The following ATP10A variants were observed in gnomAD, a reference collection of about 807,000 sequenced individuals.
ATP10A encodes ATPase phospholipid transporting 10A (putative).
In ATP10A, 111 loss-of-function variants were observed where a neutral mutation model predicts 147.8. The observed-to-expected ratio is 0.75, with a 90% CI of 0.64 to 0.88. The LOEUF (loss-of-function observed/expected upper bound fraction) is 0.88. ATP10A is among the 40% of genes least tolerant of loss of function. The pLI is 0.00. For synonymous variants in ATP10A, 875 were observed against 841.6 expected, an observed-to-expected ratio of 1.04 and a Z score of -0.69; for missense variants, 1,927 against 1,959.0, an observed-to-expected ratio of 0.98 and a Z score of 0.31.
At chr15:25,846,654 T>C (rs1361333784) in intron 1 of ATP10A, among the ~76,000 whole-genome samples, 1 of 152,210 alleles carries the variant, frequency 6.6e-6, no homozygotes, top group Non-Finnish European at 1.5e-5. Flanking sequence ...TAGCCTGACA[T>C]GTGCCGGACA....
At position 25,713,961 on chromosome 15, in the gene ATP10A, T is replaced by C; in HGVS notation, c.2057A>G (p.Glu686Gly). Residue 686 changes from glutamate to glycine, a missense_variant, in exon 10 of 21, where the codon GAG (glutamate) becomes GGG (glycine). By Grantham distance (98) the Glu-to-Gly change is moderately conservative (BLOSUM62 -2). Coordinates refer to ENST00000555815, the MANE Select transcript of ATP10A (RefSeq NM_024490.4). ...CTCGTACCGCAGCTCGCGCTCTGACTCCTGCTCCTGAGCAAGCTCCGAGGC... is the reference window on the plus strand; with the variant it reads ...CTCGTACCGCAGCTCGCGCTCTGACCCCTGCTCCTGAGCAAGCTCCGAGGC... ...NWASELAQEQ[E>G]SERELRYEAE... 1.2e-6 allele frequency: 2 copies of C among 1,610,286 alleles called. No homozygotes were observed. Among genetic ancestry groups the C allele is most frequent in the Non-Finnish European group, 1.7e-6 (2 of 1,179,970 alleles).
At chr15:25,700,929 TAA>T (rs36021930) in intron 13 of ATP10A, among the ~76,000 whole-genome samples, 22 of 143,952 alleles carry the variant, frequency 1.5e-4, no homozygotes, top group South Asian at 2.2e-4. Flanking sequence ...AGAGGTCACT[TAA>T]AAAAAAAAAA....
At chr15:25,806,759 A>G (rs1891208627) in intron 1 of ATP10A, among the ~76,000 whole-genome samples, 1 of 152,218 alleles carries the variant, frequency 6.6e-6, no homozygotes, top group Admixed American at 6.5e-5. Context: ...TCAGCAGTTA[A>G]GTTTCAGGGA....
At chr15:25,775,096 C>T (rs1472571640) in intron 2 of ATP10A, among the ~76,000 whole-genome samples, 3 of 152,156 alleles carry the variant, frequency 2.0e-5, no homozygotes, top group Non-Finnish European at 4.4e-5. Context: ...GATTATGCTG[C>T]CTCCTTCAAT....
chr15:25,768,726 A>G (rs1035990199), intron 2 of ATP10A, among the ~76,000 whole-genome samples: 70 of 117,322 alleles, frequency 6.0e-4, no homozygotes, highest in African/African-American at 2.2e-3. Context: ...ATAGGGTCTC[A>G]ATTTGTTGCT....
chr15:25,680,310 T>G lies in ATP10A; in HGVS notation c.3679-2A>C. The G allele has an allele frequency of 6.2e-7, 1 of 1,612,622 alleles. No individual in the cohort carries two copies. Among genetic ancestry groups the G allele is most frequent in the African/African-American group, 1.3e-5 (1 of 74,954 alleles). On this transcript the variant is annotated splice_acceptor_variant, in intron 19 of 20. Coordinates refer to ENST00000555815, the MANE Select transcript of ATP10A (RefSeq NM_024490.4). LOFTEE classifies it high-confidence loss of function. The stretch of plus-strand genomic sequence containing the variant: ...ACACGTTATCCAGTTGAGCCAGGTC[T>G]GAGGGGGAATGAGAAAGAAAGGGCT...
chr15:25,750,759 G>A (rs1159488576), intron 2 of ATP10A, among the ~76,000 whole-genome samples: 1 of 151,762 alleles, frequency 6.6e-6, no homozygotes, highest in African/African-American at 2.4e-5. Flanking sequence ...AAGTCTGGAA[G>A]GAGAGAAATG....
chr15:25,759,984 T>G (rs191881887), intron 2 of ATP10A, among the ~76,000 whole-genome samples: 16 of 152,108 alleles, frequency 1.1e-4, no homozygotes, highest in African/African-American at 3.4e-4. Context: ...TTTTTTTTCT[T>G]TGAGATGAAG....
chr15:25,711,917 G>T (rs1456893545), intron 10 of ATP10A, among the ~76,000 whole-genome samples: 1 of 152,148 alleles, frequency 6.6e-6, no homozygotes, highest in East Asian at 1.9e-4. Flanking sequence ...CCGGCATCAG[G>T]TGCCTTCCCA....
chr15:25,859,929 G>GTGTTGCAC (rs1039737830), intron 1 of ATP10A, among the ~76,000 whole-genome samples: 1 of 152,156 alleles, frequency 6.6e-6, no homozygotes, highest in Non-Finnish European at 1.5e-5. Flanking sequence ...CGTGAACAAT[G>GTGTTGCAC]TGTTGCACGC....
At chr15:25,862,192 C>T in intron 1 of ATP10A, 1 of 455,458 alleles carries the variant, frequency 2.2e-6, no homozygotes, top group South Asian at 1.6e-5. Context: ...TTGCTGCTGT[C>T]CTGAGCCGAG....
At chr15:25,836,045 C>A (rs948563404) in intron 1 of ATP10A, among the ~76,000 whole-genome samples, 31 of 152,296 alleles carry the variant, frequency 2.0e-4, no homozygotes, top group African/African-American at 7.0e-4. Context: ...GATCTCCTGA[C>A]CTCGTGATCC....
chr15:25,855,061 C>CAAA (rs58243465), intron 1 of ATP10A, among the ~76,000 whole-genome samples: 4,138 of 65,842 alleles, frequency 0.063, 240 homozygotes, highest in African/African-American at 0.16. Flanking sequence ...CTCCGTCTCA[C>CAAA]AAAAAAAAAA....
At chr15:25,744,152 C>T (rs1248767853) in intron 2 of ATP10A, among the ~76,000 whole-genome samples, 1 of 152,078 alleles carries the variant, frequency 6.6e-6, no homozygotes, top group Admixed American at 6.6e-5. Context: ...CAACACGGTG[C>T]CACTGCATCA....
intron 12 of ATP10A, among the ~76,000 whole-genome samples, chr15:25,705,149 TAAGCACCTGGGCCTGGTGCAGGGGCACAC>T (rs1900900101): frequency 6.6e-6 from 1 of 152,148 alleles, no homozygotes; most frequent in Admixed American, 6.5e-5. Flanking sequence ...CTATTTAAGA[TAAGCACCTGGGCCTGGTGCAGGGGCACAC>T]GCCTGTAATC....
chr15:25,722,001 C>T (rs1217563532), intron 6 of ATP10A, 92 bp from the exon 7 acceptor site: 2 of 1,392,888 alleles, frequency 1.4e-6, no homozygotes, highest in Non-Finnish European at 2.0e-6. Context: ...ATGACTACAA[C>T]CGCAAGAAAG....
At position 25,679,673 on chromosome 15, in the gene ATP10A, C is replaced by A. The variant is rs146208818; in HGVS notation, c.4168G>T (p.Ala1390Ser). The A allele has an allele frequency of 4.3e-6, 7 of 1,613,060 alleles. No individual in the cohort carries two copies. The highest frequency in any genetic ancestry group is 1.6e-4 in the Middle Eastern group (1 of 6,074). Reference sequence around the variant, plus strand: ...GGCGCAGAGGACATGGGGGCCGGTGCGCTCAGCCCCTCCAGCAGGGTGTGC... The same window carrying A: ...GGCGCAGAGGACATGGGGGCCGGTGAGCTCAGCCCCTCCAGCAGGGTGTGC... Reference protein sequence around the residue: ...REHTLLEGLSAPAPMSSAPGE... With the variant: ...REHTLLEGLSSPAPMSSAPGE... The change falls in exon 21 of 21, where the codon GCA becomes TCA. Residue 1390 changes from alanine to serine, a missense_variant. Ala to Ser is a moderately conservative substitution (Grantham distance 99). Transcript: ENST00000555815.
At chr15:25,839,205 T>C (rs1298878210) in intron 1 of ATP10A, among the ~76,000 whole-genome samples, 9 of 152,332 alleles carry the variant, frequency 5.9e-5, no homozygotes, top group South Asian at 4.2e-4. Context: ...GGATAATATG[T>C]AACTCCAGCG....
chr15:25,710,045 TCTC>T (rs1901307363), intron 10 of ATP10A: 1 of 152,156 alleles, frequency 6.6e-6, no homozygotes. Context: ...GCCCTGCTCT[TCTC>T]CACTTGCTGA....
Sources: allele counts gnomAD v4.1 joint callset (sites outside exome capture counted in the v4.1 genomes callset), GRCh38; gene constraint gnomAD v4.1.1; transcripts MANE v1.5; gene names NCBI Gene and HGNC (gene_info 2026-07-23, HGNC 2026-07-21).